PDE1C: variants seen among roughly 807,000 people sequenced by gnomAD.
PDE1C encodes dual specificity calcium/calmodulin-dependent 3',5'-cyclic nucleotide phosphodiesterase 1C.
In PDE1C, 62 loss-of-function variants were observed where a neutral mutation model predicts 93.1. That is an observed-to-expected ratio of 0.67 (90% CI 0.54 to 0.82). The LOEUF is 0.82. Among genes scored for constraint, PDE1C ranks in the 40% least tolerant of loss-of-function variants. The pLI is 0.00. For missense variants in PDE1C, 742 were observed against 884.6 expected (o/e 0.84, Z 2.04); for synonymous variants, 325 against 310.1 (o/e 1.05, Z -0.50).
At chr7:32,047,062 A>AGAGT (rs1554484157) in intron 2 of PDE1C, among the ~76,000 whole-genome samples, 8 of 145,868 alleles carry the variant, frequency 5.5e-5, no homozygotes, top group African/African-American at 1.5e-4. Context: ...TGCGAGACAG[A>AGAGT]GTGTGTGTGT....
the PDE1C span, among the ~76,000 whole-genome samples, chr7:31,742,495 G>C: frequency 7.1e-3 from 1,083 of 152,278 alleles, 10 homozygotes; most frequent in African/African-American, 0.024. Flanking sequence ...TTGAACCCAG[G>C]TGTGTTCGAG....
At chr7:32,414,030 T>C (rs537720331) in intron 1 of PDE1C, among the ~76,000 whole-genome samples, 144 of 151,728 alleles carry the variant, frequency 9.5e-4, no homozygotes, top group African/African-American at 3.3e-3. Context: ...CACAGCAACA[T>C]AGTGAGACCC....
chr7:31,907,493 TG>T (rs1400695192), intron 2 of PDE1C, among the ~76,000 whole-genome samples: 2 of 151,962 alleles, frequency 1.3e-5, no homozygotes, highest in Non-Finnish European at 2.9e-5. Flanking sequence ...TGAGCAACGA[TG>T]GGAATGTAAT....
At chr7:32,040,683 C>G (rs984678854) in intron 2 of PDE1C, among the ~76,000 whole-genome samples, 2 of 152,242 alleles carry the variant, frequency 1.3e-5, no homozygotes, top group Admixed American at 1.3e-4. Flanking sequence ...AAATTTTCCT[C>G]AAAATAGAAA....
intron 16 of PDE1C, among the ~76,000 whole-genome samples, chr7:31,778,988 A>AGC: frequency 6.6e-6 from 1 of 152,266 alleles, no homozygotes; most frequent in South Asian, 2.1e-4. Context: ...GTTTCCTTCA[A>AGC]GCACAGTCTC....
At chr7:31,668,857 A>T in the PDE1C span, among the ~76,000 whole-genome samples, 1 of 152,204 alleles carries the variant, frequency 6.6e-6, no homozygotes, top group African/African-American at 2.4e-5. Context: ...CTAAAAAAAA[A>T]TAAGATCAAC....
chr7:32,233,419 T>C (rs1585002939), intron 1 of PDE1C, among the ~76,000 whole-genome samples: 1 of 152,238 alleles, frequency 6.6e-6, no homozygotes, highest in East Asian at 1.9e-4. Flanking sequence ...AATGACCTAA[T>C]TTATGAGGGC....
chr7:31,763,861 A>C (rs1254498039), intron 17 of PDE1C, among the ~76,000 whole-genome samples: 1 of 152,060 alleles, frequency 6.6e-6, no homozygotes, highest in Non-Finnish European at 1.5e-5. Flanking sequence ...CTCACCACAC[A>C]ATGAAGAGAT....
At chr7:32,147,298 A>AAG (rs1800936718) in intron 3 of PDE1C, among the ~76,000 whole-genome samples, 1 of 139,516 alleles carries the variant, frequency 7.2e-6, no homozygotes, top group Non-Finnish European at 1.5e-5. Context: ...GAAAGAAAGA[A>AAG]AGAAAGAAAG....
At chr7:32,138,220 C>T (rs1563344325) in intron 3 of PDE1C, among the ~76,000 whole-genome samples, 1 of 151,890 alleles carries the variant, frequency 6.6e-6, no homozygotes, top group African/African-American at 2.4e-5. Flanking sequence ...AAGCTGAGTT[C>T]TTACTTTATT....
rs184590515 is a variant in PDE1C, at chr7:32,172,592, G to A, written c.137-2636C>T. 3.9e-4 allele frequency among the ~76,000 whole-genome samples: 59 copies of A among 152,254 alleles called. No homozygotes were observed. In the East Asian group the frequency reaches 9.7e-3, roughly 25 times the overall value. On this transcript the variant is annotated intron_variant, in intron 2 of 18. Transcript: ENST00000396193. The stretch of plus-strand genomic sequence containing the variant: ...AATCCCACCACCTTGGGAGGCCAAG[G>A]CTGGTGGATCACCTGAGGTCAGGAG...
chr7:31,973,506 TAAC>T (rs1208839589), intron 2 of PDE1C, among the ~76,000 whole-genome samples: 4 of 152,152 alleles, frequency 2.6e-5, no homozygotes, highest in East Asian at 1.9e-4. Context: ...AAACTTTGCA[TAAC>T]AACAGCTCTG....
At chr7:31,997,177 G>GGACTTTTTAGTA (rs2128549788) in intron 2 of PDE1C, among the ~76,000 whole-genome samples, 1 of 152,290 alleles carries the variant, frequency 6.6e-6, no homozygotes, top group South Asian at 2.1e-4. Context: ...TTAGTAGACA[G>GGACTTTTTAGTA]GACTGGGTTC....
chr7:32,182,177 A>G lies in PDE1C; in HGVS notation c.137-12221T>C, dbSNP rs1331706435. On this transcript the variant is annotated intron_variant, in intron 2 of 18. Transcript: ENST00000396193. ...TAATTAATAGCTTACCAACCAAAAAAATTCCAGGACCAGATGGATTCACAG... is the reference window on the plus strand; with the variant it reads ...TAATTAATAGCTTACCAACCAAAAAGATTCCAGGACCAGATGGATTCACAG... Among the ~76,000 whole-genome samples the G allele has an allele frequency of 2.6e-5, 4 of 152,172 alleles. No individual in the cohort carries two copies. In the East Asian group the frequency reaches 5.8e-4, roughly 22 times the overall value.
intron 1 of PDE1C, among the ~76,000 whole-genome samples, chr7:32,380,404 ATTT>A (rs55965828): frequency 7.3e-6 from 1 of 137,254 alleles, no homozygotes; most frequent in African/African-American, 2.7e-5. Context: ...TGCCCGGCTA[ATTT>A]TTTTTTTTTT....
chr7:32,064,570 G>A (rs1795164582), intron 1 of PDE1C, among the ~76,000 whole-genome samples: 1 of 152,004 alleles, frequency 6.6e-6, no homozygotes, highest in South Asian at 2.1e-4. Flanking sequence ...CCTTTTTCCA[G>A]AATTACAATC....
Position 32,307,745 on chromosome 7 carries a change from G to T in PDE1C, c.311-98206C>A, listed in dbSNP as rs573305033. ...GATGTAAATTTTATAAAGCGGGCCC[G>T]AGGTGGAGCCAAGATGGCCGAATAG... On this transcript the variant is annotated intron_variant, in intron 1 of 1. Coordinates refer to the PDE1C transcript ENST00000672256. Among the ~76,000 whole-genome samples, 8 of 152,274 alleles carry T rather than the reference G, an allele frequency of 5.3e-5. No individual in the cohort carries two copies. In the South Asian group the frequency reaches 1.7e-3, roughly 32 times the overall value.
At chr7:32,337,043 A>G (rs912636635) in intron 1 of PDE1C, among the ~76,000 whole-genome samples, 2 of 148,166 alleles carry the variant, frequency 1.3e-5, no homozygotes, top group African/African-American at 5.0e-5. Context: ...ATGTTTCTTA[A>G]CTCTCTCTCT....
intron 9 of PDE1C, among the ~76,000 whole-genome samples, chr7:31,843,209 A>G (rs1408253166): frequency 3.9e-5 from 6 of 151,964 alleles, no homozygotes; most frequent in Non-Finnish European, 7.4e-5. Flanking sequence ...AATATTAATT[A>G]AGGCAAAGTG....
Sources: gnomAD v4.1 joint callset for allele counts (sites outside exome capture counted in the v4.1 genomes callset) on GRCh38, gnomAD v4.1.1 for gene constraint, MANE v1.5 for transcripts, NCBI Gene and HGNC (gene_info 2026-07-23, HGNC 2026-07-21) for gene names.